ROBO2: variants seen among roughly 807,000 people sequenced by gnomAD.
The protein encoded by ROBO2 is roundabout guidance receptor 2, also known as roundabout homolog 2.
In ROBO2, 53 loss-of-function variants were observed where a neutral mutation model predicts 160.8. The ratio of observed to expected loss-of-function variants is 0.33; its 90% confidence interval spans 0.26 to 0.41. The LOEUF is 0.41. Among genes scored for constraint, ROBO2 ranks in the 10% least tolerant of loss-of-function variants. The pLI, the probability that ROBO2 is intolerant of heterozygous loss-of-function variation, is 1.00. For missense variants in ROBO2, 1,577 were observed against 1,722.4 expected (o/e 0.92, Z 1.49); for synonymous variants, 664 against 611.7 (o/e 1.09, Z -1.26).
chr3:76,307,883 T>G (rs2107766825), intron 2 of ROBO2, among the ~76,000 whole-genome samples: 1 of 152,296 alleles, frequency 6.6e-6, no homozygotes, highest in Middle Eastern at 3.4e-3. Context: ...TTGCTATTCT[T>G]TTACATTAAG....
chr3:77,328,086 G>GA (rs992264956), intron 2 of ROBO2, among the ~76,000 whole-genome samples: 13 of 138,404 alleles, frequency 9.4e-5, no homozygotes, highest in South Asian at 4.7e-4. Flanking sequence ...AAAAAGAAAA[G>GA]AAAAAAAAAG....
At chr3:77,180,566 G>T (rs2080679391) in intron 2 of ROBO2, among the ~76,000 whole-genome samples, 1 of 149,770 alleles carries the variant, frequency 6.7e-6, no homozygotes, top group Non-Finnish European at 1.5e-5. Context: ...CTCCCAAGTA[G>T]CTGGGACTAC....
At chr3:76,208,224 C>A (rs1019081927) in intron 2 of ROBO2, among the ~76,000 whole-genome samples, 1 of 152,004 alleles carries the variant, frequency 6.6e-6, no homozygotes, top group South Asian at 2.1e-4. Flanking sequence ...TATAGTGGTG[C>A]GAGGATGGAC....
chr3:76,466,803 A>T (rs1003276194), intron 2 of ROBO2, among the ~76,000 whole-genome samples: 2 of 151,868 alleles, frequency 1.3e-5, no homozygotes, highest in Admixed American at 1.3e-4. Context: ...GATATATAGG[A>T]CCTTTCTCAT....
intron 2 of ROBO2, among the ~76,000 whole-genome samples, chr3:76,210,917 C>A (rs2107319042): frequency 6.6e-6 from 1 of 152,168 alleles, no homozygotes; most frequent in South Asian, 2.1e-4. Context: ...TTTGCTTGCA[C>A]CTTCTAAAGT....
chr3:77,024,862 A>G (rs750951814), intron 2 of ROBO2, among the ~76,000 whole-genome samples: 2 of 152,184 alleles, frequency 1.3e-5, no homozygotes, highest in Non-Finnish European at 2.9e-5. Flanking sequence ...GGGGGAAAAG[A>G]CACGTTTTGG....
chr3:76,901,275 C>T (rs1414307043), intron 2 of ROBO2, among the ~76,000 whole-genome samples: 1 of 151,828 alleles, frequency 6.6e-6, no homozygotes, highest in Non-Finnish European at 1.5e-5. Context: ...TTTATTTTTC[C>T]CCTCTTGCAT....
intron 2 of ROBO2, among the ~76,000 whole-genome samples, chr3:76,641,473 C>G (rs1470769585): frequency 6.6e-6 from 1 of 151,960 alleles, no homozygotes; most frequent in Non-Finnish European, 1.5e-5. Context: ...AACTGACCAC[C>G]TTTTTTCAAA....
At chr3:76,012,646 A>G (rs1477255903) in intron 2 of ROBO2, among the ~76,000 whole-genome samples, 4 of 152,174 alleles carry the variant, frequency 2.6e-5, no homozygotes, top group African/African-American at 9.7e-5. Flanking sequence ...TTAGCCAAAT[A>G]AATAAGTAGG....
At chr3:77,336,268 C>G (rs2066485538) in intron 2 of ROBO2, among the ~76,000 whole-genome samples, 1 of 152,098 alleles carries the variant, frequency 6.6e-6, no homozygotes, top group Admixed American at 6.6e-5. Context: ...GAAGGTGAGA[C>G]TGAATAGTCA....
At chr3:76,601,737 G>A (rs1350048387) in intron 2 of ROBO2, among the ~76,000 whole-genome samples, 3 of 152,168 alleles carry the variant, frequency 2.0e-5, no homozygotes, top group Non-Finnish European at 2.9e-5. Flanking sequence ...CCATGCCCTG[G>A]AGCCATTTTC....
intron 2 of ROBO2, among the ~76,000 whole-genome samples, chr3:76,454,384 GCAT>G (rs2077638941): frequency 6.6e-6 from 1 of 152,176 alleles, no homozygotes; most frequent in South Asian, 2.1e-4. Context: ...GCTAAAGAAA[GCAT>G]CATTAGCATA....
intron 2 of ROBO2, among the ~76,000 whole-genome samples, chr3:76,079,542 G>A (rs9851566): frequency 0.16 from 23,302 of 147,182 alleles, 1,912 homozygotes; most frequent in African/African-American, 0.19. Flanking sequence ...GGAGTGCAGT[G>A]GCACAATCTC....
chr3:77,426,242 G>A (rs1439473521), intron 2 of ROBO2, among the ~76,000 whole-genome samples: 6 of 152,118 alleles, frequency 3.9e-5, no homozygotes, highest in Admixed American at 3.9e-4. Context: ...CCAAGTGCCG[G>A]CTTCATGATG....
At chr3:76,579,710 G>A (rs896569935) in intron 2 of ROBO2, among the ~76,000 whole-genome samples, 1 of 145,912 alleles carries the variant, frequency 6.9e-6, no homozygotes, top group African/African-American at 2.5e-5. Flanking sequence ...CCATATGTAC[G>A]AAATTTGGAA....
intron 2 of ROBO2, among the ~76,000 whole-genome samples, chr3:77,034,339 G>A (rs955321805): frequency 2.0e-5 from 3 of 148,538 alleles, no homozygotes; most frequent in African/African-American, 5.0e-5. Context: ...CTCCTGGCTG[G>A]CATTGTATCT....
intron 2 of ROBO2, among the ~76,000 whole-genome samples, chr3:76,947,183 A>T (rs2078606846): frequency 6.6e-6 from 1 of 152,162 alleles, no homozygotes; most frequent in Non-Finnish European, 1.5e-5. Context: ...TTTACATTAG[A>T]ATAATAGTCC....
At chr3:77,205,460 C>T (rs1005583561) in intron 2 of ROBO2, among the ~76,000 whole-genome samples, 2 of 152,026 alleles carry the variant, frequency 1.3e-5, no homozygotes, top group South Asian at 4.2e-4. Context: ...CATCTCCTTG[C>T]CTCCTTCTCT....
At chr3:77,592,293 A>G (rs1379111559) in intron 17 of ROBO2, among the ~76,000 whole-genome samples, 2 of 152,156 alleles carry the variant, frequency 1.3e-5, no homozygotes, top group East Asian at 3.9e-4. Flanking sequence ...AGATACAGAG[A>G]TAAGTGTCTT....
Sources: gnomAD v4.1 joint callset for allele counts (sites outside exome capture counted in the v4.1 genomes callset) on GRCh38, gnomAD v4.1.1 for gene constraint, MANE v1.5 for transcripts, NCBI Gene and HGNC (gene_info 2026-07-23, HGNC 2026-07-21) for gene names.